PRELID2: variants seen among roughly 807,000 people sequenced by gnomAD.
The protein encoded by PRELID2 is PRELI domain containing 2, also known as PRELI domain-containing protein 2.
A neutral mutation model predicts 28.4 loss-of-function variants in PRELID2; 25 were observed. That is an observed-to-expected ratio of 0.88 (90% CI 0.64 to 1.23). The LOEUF (loss-of-function observed/expected upper bound fraction) is 1.23, where lower values mean the gene tolerates loss of function less well. PRELID2 is among the 50% of genes most tolerant of loss of function. PRELID2 has a pLI of 0.00. For missense variants in PRELID2, 201 were observed against 214.4 expected, an observed-to-expected ratio of 0.94 and a Z score of 0.39; for synonymous variants, 76 against 71.6, an observed-to-expected ratio of 1.06 and a Z score of -0.31.
intron 1 of PRELID2, among the ~76,000 whole-genome samples, chr5:145,696,774 T>C (rs990183927): frequency 1.3e-5 from 2 of 151,960 alleles, no homozygotes; most frequent in South Asian, 2.1e-4. Flanking sequence ...ATCTCTAAAA[T>C]ATTTGAAAAA....
chr5:145,269,909 T>A, the PRELID2 span, among the ~76,000 whole-genome samples: 13 of 148,342 alleles, frequency 8.8e-5, no homozygotes, highest in African/African-American at 3.0e-4. Context: ...CATACATACA[T>A]ACATATATAT....
At chr5:145,581,443 T>G (rs1357802420) in intron 1 of PRELID2, among the ~76,000 whole-genome samples, 1 of 152,076 alleles carries the variant, frequency 6.6e-6, no homozygotes, top group African/African-American at 2.4e-5. Context: ...TTGGGACAGT[T>G]GAGATTTGCA....
the PRELID2 span, among the ~76,000 whole-genome samples, chr5:145,378,964 T>C: frequency 6.6e-6 from 1 of 152,024 alleles, no homozygotes; most frequent in Non-Finnish European, 1.5e-5. Context: ...ATTATTTTTC[T>C]TTTTTTTCTA....
chr5:145,380,986 A>T, the PRELID2 span, among the ~76,000 whole-genome samples: 1 of 152,194 alleles, frequency 6.6e-6, no homozygotes, highest in Admixed American at 6.5e-5. Flanking sequence ...ATAATAAAAT[A>T]GGTGTTAAAT....
At chr5:145,349,498 T>A in the PRELID2 span, among the ~76,000 whole-genome samples, 1 of 152,114 alleles carries the variant, frequency 6.6e-6, no homozygotes, top group African/African-American at 2.4e-5. Context: ...GACTTCATTT[T>A]TTTTTTACAA....
the PRELID2 span, among the ~76,000 whole-genome samples, chr5:145,455,317 C>T: frequency 7.2e-4 from 109 of 152,198 alleles, no homozygotes; most frequent in African/African-American, 2.6e-3. Flanking sequence ...CTCTATATAT[C>T]TGTTTTGGTA....
chr5:145,757,007 T>C lies in PRELID2; in HGVS notation c.*3529A>G, dbSNP rs1017585734. Among the ~76,000 whole-genome samples the C allele has an allele frequency of 5.9e-5, 9 of 152,166 alleles. No homozygotes were observed. The highest frequency in any genetic ancestry group is 2.0e-4 in the Admixed American group (3 of 15,270). On this transcript the variant is annotated 3_prime_UTR_variant, in exon 7 of 7. Transcript: ENST00000683046. ...AACATATATGACGACTCTGAAAAGA[T>C]TTAATTATCCCCAGTAGACTGTGTT...
chr5:145,342,547 T>C, the PRELID2 span, among the ~76,000 whole-genome samples: 1 of 152,100 alleles, frequency 6.6e-6, no homozygotes, highest in African/African-American at 2.4e-5. Context: ...TAAAATGTGG[T>C]TGGATAAATT....
downstream of PRELID2, among the ~76,000 whole-genome samples, chr5:145,754,602 T>C (rs1486939360): frequency 1.3e-5 from 2 of 152,204 alleles, no homozygotes; most frequent in African/African-American, 4.8e-5. Flanking sequence ...CTAAGGAAGC[T>C]AAAACATTAG....
chr5:145,576,598 T>C (rs865935291), intron 1 of PRELID2, among the ~76,000 whole-genome samples: 1 of 151,168 alleles, frequency 6.6e-6, no homozygotes, highest in Non-Finnish European at 1.5e-5. Flanking sequence ...ACTTGAACAA[T>C]ATCTACATGC....
At chr5:145,385,496 C>A in the PRELID2 span, among the ~76,000 whole-genome samples, 1 of 152,108 alleles carries the variant, frequency 6.6e-6, no homozygotes, top group African/African-American at 2.4e-5. Context: ...AGGAAAAATG[C>A]AAACTGACCA....
At chr5:145,698,148 A>T (rs954510626) in intron 1 of PRELID2, among the ~76,000 whole-genome samples, 2 of 152,170 alleles carry the variant, frequency 1.3e-5, no homozygotes, top group African/African-American at 4.8e-5. Context: ...GAAAGTTTAG[A>T]TTTCAATTCC....
chr5:145,661,726 T>C (rs1453417755), intron 1 of PRELID2, among the ~76,000 whole-genome samples: 1 of 115,760 alleles, frequency 8.6e-6, no homozygotes, highest in East Asian at 2.7e-4. Context: ...GAAGGGAAAA[T>C]ACATTAGCCG....
At chr5:145,614,476 G>GTGT (rs1326223072) in intron 1 of PRELID2, among the ~76,000 whole-genome samples, 1 of 152,192 alleles carries the variant, frequency 6.6e-6, no homozygotes, top group Non-Finnish European at 1.5e-5. Context: ...CCATTTGCTC[G>GTGT]TGTTGTCTAT....
At chr5:145,700,786 C>T (rs76993921) in intron 1 of PRELID2, among the ~76,000 whole-genome samples, 7,822 of 152,226 alleles carry the variant, frequency 0.051, 239 homozygotes, top group Middle Eastern at 0.13. Context: ...ATACCAATAT[C>T]GGTTCCACCT....
chr5:145,425,819 T>C, the PRELID2 span, among the ~76,000 whole-genome samples: 1 of 152,004 alleles, frequency 6.6e-6, no homozygotes, highest in African/African-American at 2.4e-5. Flanking sequence ...CTGCACATCC[T>C]GCACATATAT....
intron 4 of PRELID2, among the ~76,000 whole-genome samples, chr5:145,802,862 A>C (rs1342244599): frequency 6.6e-6 from 1 of 152,204 alleles, no homozygotes; most frequent in Non-Finnish European, 1.5e-5. Context: ...AAAATAAAAA[A>C]GTTCAGGGGA....
At chr5:145,638,294 T>C (rs1223342320) in intron 1 of PRELID2, among the ~76,000 whole-genome samples, 1 of 152,152 alleles carries the variant, frequency 6.6e-6, no homozygotes, top group Non-Finnish European at 1.5e-5. Flanking sequence ...TTACAATATA[T>C]TCTGGCACTT....
the PRELID2 span, among the ~76,000 whole-genome samples, chr5:145,447,073 A>ATAAATAAATAAATAAC: frequency 6.6e-6 from 1 of 150,764 alleles, no homozygotes; most frequent in Admixed American, 6.6e-5. Context: ...AAATAAATAA[A>ATAAATAAATAAATAAC]TAAATAAATA....
Sources: gnomAD v4.1 joint callset for allele counts (sites outside exome capture counted in the v4.1 genomes callset) on GRCh38, gnomAD v4.1.1 for gene constraint, MANE v1.5 for transcripts, NCBI Gene and HGNC (gene_info 2026-07-23, HGNC 2026-07-21) for gene names.